Variants in MYO3B observed in about 807,000 individuals in gnomAD.
MYO3B encodes the protein myosin-IIIb.
Under a neutral mutation model 174.6 loss-of-function variants are expected in MYO3B, and 156 were observed. The ratio of observed to expected loss-of-function variants is 0.89; its 90% confidence interval spans 0.78 to 1.02. MYO3B has a LOEUF of 1.02. Ranked by LOEUF, MYO3B falls within the 50% of genes least tolerant of loss-of-function variation. The probability of loss-of-function intolerance (pLI) is 0.00; values close to 1 mark genes in which losing one functional copy is unlikely to be tolerated. For synonymous variants in MYO3B, 563 were observed against 569.1 expected (o/e 0.99, Z 0.15); for missense variants, 1,632 against 1,639.4 (o/e 1.00, Z 0.08).
chr2:170,573,189 T>C, intron 32 of MYO3B, among the ~76,000 whole-genome samples: 1 of 149,220 alleles, frequency 6.7e-6, no homozygotes, highest in South Asian at 2.1e-4. Flanking sequence ...CATATATATG[T>C]AGTAAACATA....
At chr2:170,473,426 G>A (rs368435883) in intron 25 of MYO3B, among the ~76,000 whole-genome samples, 9 of 152,212 alleles carry the variant, frequency 5.9e-5, no homozygotes, top group Admixed American at 2.6e-4. Flanking sequence ...GATTACAGGC[G>A]TGAGCCACTG....
chr2:170,283,971 C>A (rs1039989900), intron 7 of MYO3B, among the ~76,000 whole-genome samples: 3 of 152,128 alleles, frequency 2.0e-5, no homozygotes, highest in African/African-American at 7.2e-5. Flanking sequence ...TCCAAGAATC[C>A]CTTTGTCCCA....
chr2:170,475,227 G>T (rs1398837180), intron 25 of MYO3B, among the ~76,000 whole-genome samples: 1 of 151,992 alleles, frequency 6.6e-6, no homozygotes, highest in African/African-American at 2.4e-5. Flanking sequence ...CTTCCCTTTC[G>T]CAGGGTCTCT....
chr2:170,597,739 C>T (rs1027436837), intron 32 of MYO3B, among the ~76,000 whole-genome samples: 1 of 152,178 alleles, frequency 6.6e-6, no homozygotes, highest in African/African-American at 2.4e-5. Context: ...ATCTTCTGGA[C>T]AAGTAGATAT....
At position 170,300,011 on chromosome 2, in the gene MYO3B, T is replaced by C. The variant is rs148709623; in HGVS notation, c.750-35374T>C. On this transcript the variant is annotated intron_variant, in intron 7 of 34. Coordinates refer to ENST00000408978, the MANE Select transcript of MYO3B (RefSeq NM_138995.5). The stretch of plus-strand genomic sequence containing the variant: ...TGTGCCACTTAATGATAACTCACTA[T>C]TGTTTTGAGCTTGCAGCTTTTAAAA... Among the ~76,000 whole-genome samples the C allele has an allele frequency of 4.4e-3, 665 of 152,350 alleles. 2 individuals carry two copies. The highest frequency in any genetic ancestry group is 8.0e-3 in the Non-Finnish European group (546 of 68,028).
At chr2:170,335,571 C>A in intron 8 of MYO3B, 121 bp downstream of exon 8, 1 of 744,206 alleles carries the variant, frequency 1.3e-6, no homozygotes, top group South Asian at 1.9e-5. Context: ...CACGTTATGA[C>A]TCGGGGTTTG....
rs1436736722 is a variant in MYO3B, at chr2:170,503,460, T to C, written c.3370+1595T>C. On this transcript the variant is annotated intron_variant, in intron 28 of 34. Transcript: ENST00000408978. ...GCATGTTTCTTTAAGGGTGTCTCCC[T>C]TTTTTTTTTTTTTTTTTAGCCTTGC... Among the ~76,000 whole-genome samples the C allele has an allele frequency of 4.9e-3, 8 of 1,644 alleles. No individual in the cohort carries two copies. In the Non-Finnish European group the frequency reaches 0.16, roughly 33 times the overall value. The allele number at this position is 1,644 out of a possible 152,430, so 1.1% of individuals were successfully genotyped here. A position where few individuals can be genotyped will look rare whatever the true frequency, so the allele number is the denominator to read the frequency against.
chr2:170,208,370 T>A (rs1033114674), intron 3 of MYO3B, among the ~76,000 whole-genome samples: 1 of 152,222 alleles, frequency 6.6e-6, no homozygotes, highest in Non-Finnish European at 1.5e-5. Flanking sequence ...GTGGCTATAG[T>A]TATGCTTGCT....
intron 7 of MYO3B, among the ~76,000 whole-genome samples, chr2:170,297,585 A>G (rs1221039689): frequency 1.3e-5 from 2 of 152,192 alleles, no homozygotes; most frequent in Non-Finnish European, 2.9e-5. Context: ...TGAGCCATTG[A>G]GCTGCATTTT....
intron 9 of MYO3B, among the ~76,000 whole-genome samples, chr2:170,371,216 T>TA (rs56689548): frequency 0.018 from 1,639 of 89,622 alleles, 33 homozygotes; most frequent in African/African-American, 0.063. Context: ...AGACAGTGTC[T>TA]AAAAAAAAAA....
At chr2:170,243,963 AC>A (rs1255342750) in intron 7 of MYO3B, among the ~76,000 whole-genome samples, 2 of 152,098 alleles carry the variant, frequency 1.3e-5, no homozygotes, top group Non-Finnish European at 2.9e-5. Flanking sequence ...CATACACCTC[AC>A]CCTCACACAC....
intron 7 of MYO3B, among the ~76,000 whole-genome samples, chr2:170,292,097 T>C (rs986053391): frequency 2.0e-5 from 3 of 152,154 alleles, no homozygotes; most frequent in Admixed American, 2.0e-4. Flanking sequence ...TTTCTGCATC[T>C]TGTAGTTGGT....
intron 8 of MYO3B, chr2:170,350,244 C>T (rs1411756345): frequency 6.6e-6 from 1 of 152,096 alleles, no homozygotes; most frequent in Admixed American, 6.5e-5. Context: ...AGTGATCTGC[C>T]CGCCTCGACC....
In MYO3B at chr2:170,499,826, C is replaced by T. The variant is rs2106077390; in HGVS notation, c.3289+18C>T. ...CCAGTCAGGTAAATGGTCCTGTTCT[C>T]ATAAATACTGCCCTGGGTATTGGCA... On this transcript the variant is annotated intron_variant, in intron 27 of 34. Coordinates refer to ENST00000408978, the MANE Select transcript of MYO3B (RefSeq NM_138995.5). 3 of 1,612,034 alleles carry T rather than the reference C, an allele frequency of 1.9e-6. No homozygotes were observed. Among genetic ancestry groups the T allele is most frequent in the East Asian group, 2.2e-5 (1 of 44,866 alleles).
intron 8 of MYO3B, chr2:170,342,265 C>T (rs2093981746): frequency 6.6e-6 from 1 of 152,078 alleles, no homozygotes; most frequent in Non-Finnish European, 1.5e-5. Flanking sequence ...TATGTCTGTA[C>T]CATTTTCTCC....
At chr2:170,464,665 TTCCA>T (rs1376320410) in intron 24 of MYO3B, among the ~76,000 whole-genome samples, 1 of 152,170 alleles carries the variant, frequency 6.6e-6, no homozygotes, top group Non-Finnish European at 1.5e-5. Flanking sequence ...GAATCCAGTA[TTCCA>T]TCCATGCATT....
At chr2:170,369,514 G>A (rs2094224481) in intron 9 of MYO3B, 137 bp downstream of exon 9, 1 of 958,434 alleles carries the variant, frequency 1.0e-6, no homozygotes, top group African/African-American at 1.6e-5. Context: ...ATGACATTAA[G>A]TACTCCATGC....
intron 8 of MYO3B, among the ~76,000 whole-genome samples, chr2:170,362,084 G>A (rs546824470): frequency 6.6e-6 from 1 of 152,258 alleles, no homozygotes; most frequent in East Asian, 1.9e-4. Context: ...CTGATCCTGG[G>A]CCTTGTTTTT....
chr2:170,315,452 T>C (rs2093768946), intron 7 of MYO3B, among the ~76,000 whole-genome samples: 1 of 151,810 alleles, frequency 6.6e-6, no homozygotes, highest in African/African-American at 2.4e-5. Flanking sequence ...ATCACAGGCA[T>C]GCACCACCAC....
Sources: gnomAD v4.1 joint callset for allele counts (sites outside exome capture counted in the v4.1 genomes callset) on GRCh38, gnomAD v4.1.1 for gene constraint, MANE v1.5 for transcripts, NCBI Gene and HGNC (gene_info 2026-07-23, HGNC 2026-07-21) for gene names.